Variants in RNLS observed in about 807,000 individuals in gnomAD.
RNLS encodes the protein renalase, FAD dependent amine oxidase.
In RNLS, 39 loss-of-function variants were observed where a neutral mutation model predicts 39.8. The ratio of observed to expected loss-of-function variants is 0.98; its 90% CI spans 0.76 to 1.28. The LOEUF is 1.28. RNLS is among the 50% of genes most tolerant of loss of function. RNLS has a pLI of 0.00. For synonymous variants in RNLS, 147 were observed against 150.7 expected, an observed-to-expected ratio of 0.98 and a Z score of 0.18; for missense variants, 410 against 413.3, an observed-to-expected ratio of 0.99 and a Z score of 0.07.
intron 4 of RNLS, among the ~76,000 whole-genome samples, chr10:88,391,960 G>A (rs887980563): frequency 3.3e-5 from 5 of 152,218 alleles, no homozygotes; most frequent in African/African-American, 9.6e-5. Flanking sequence ...AGCCCCCGGA[G>A]GGGATAGAAC....
rs1846432346 is a variant in RNLS, at chr10:88,516,853, T to C, written c.526+56050A>G. The stretch of plus-strand genomic sequence containing the variant: ...ACAGCATTTAAAACCATCTACTGAC[T>C]TTGACAAACTGTCCATTTCCCTTCA... On this transcript the variant is annotated intron_variant, in intron 4 of 6. Transcript: ENST00000331772. Among the ~76,000 whole-genome samples, 4 of 152,026 alleles carry C rather than the reference T, an allele frequency of 2.6e-5. No homozygotes were observed. In the South Asian group the frequency reaches 8.3e-4, roughly 31 times the overall value.
At chr10:88,376,615 C>A (rs1851021343) in intron 4 of RNLS, among the ~76,000 whole-genome samples, 1 of 152,124 alleles carries the variant, frequency 6.6e-6, no homozygotes, top group South Asian at 2.1e-4. Context: ...TCTTCATTGT[C>A]TTTTTCTAGT....
At chr10:88,523,628 C>G (rs958532004) in intron 4 of RNLS, among the ~76,000 whole-genome samples, 1 of 152,108 alleles carries the variant, frequency 6.6e-6, no homozygotes, top group Non-Finnish European at 1.5e-5. Flanking sequence ...CCATCTCTTT[C>G]ATGTATTCCA....
At chr10:88,547,631 T>C (rs2134316012) in intron 4 of RNLS, among the ~76,000 whole-genome samples, 1 of 152,330 alleles carries the variant, frequency 6.6e-6, no homozygotes, top group Non-Finnish European at 1.5e-5. Context: ...CACTAAAATG[T>C]CTATGCTTAA....
chr10:88,419,754 C>T lies in RNLS; in HGVS notation c.527-57029G>A, dbSNP rs539776229. On this transcript the variant is annotated intron_variant, in intron 4 of 6. Transcript: ENST00000331772. The stretch of plus-strand genomic sequence containing the variant: ...GGGCGGTGGCTCACGCCTGTAATAC[C>T]GGCACTTTGAGAGGCCGAGGCGGGC... 9.9e-5 allele frequency among the ~76,000 whole-genome samples: 15 copies of T among 152,122 alleles called. No individual in the cohort carries two copies. The South Asian group carries it at 1.5e-3, about 15-fold the overall frequency.
intron 6 of RNLS, among the ~76,000 whole-genome samples, chr10:88,307,327 C>G (rs1031232690): frequency 2.6e-5 from 4 of 152,270 alleles, no homozygotes; most frequent in Non-Finnish European, 4.4e-5. Flanking sequence ...CCCACCTGGG[C>G]AATCAGGCAA....
chr10:88,339,945 T>C (rs1237382067), intron 5 of RNLS, among the ~76,000 whole-genome samples: 2 of 152,174 alleles, frequency 1.3e-5, no homozygotes, highest in African/African-American at 4.8e-5. Flanking sequence ...CAGATATACA[T>C]TGTGTAAATG....
At chr10:88,399,933 G>A (rs376082081) in intron 4 of RNLS, among the ~76,000 whole-genome samples, 1 of 151,960 alleles carries the variant, frequency 6.6e-6, no homozygotes, top group South Asian at 2.1e-4. Context: ...GGGAGAAGTT[G>A]TTCCTTGACT....
intron 4 of RNLS, among the ~76,000 whole-genome samples, chr10:88,408,515 T>A (rs558666890): frequency 5.9e-5 from 9 of 152,156 alleles, no homozygotes; most frequent in Admixed American, 1.3e-4. Context: ...GAGAGAACCA[T>A]CCTGCCTCAG....
At chr10:88,265,323 C>CTTTTTTTTTTTT in the RNLS span, among the ~76,000 whole-genome samples, 10 of 59,066 alleles carry the variant, frequency 1.7e-4, no homozygotes, top group African/African-American at 2.0e-4. Flanking sequence ...CAGGGTTTTT[C>CTTTTTTTTTTTT]TTTTTTTTTT....
chr10:88,330,907 T>C (rs1165594737), intron 5 of RNLS, among the ~76,000 whole-genome samples: 1 of 152,132 alleles, frequency 6.6e-6, no homozygotes, highest in African/African-American at 2.4e-5. Context: ...TGGTACTATT[T>C]AATAATAATG....
Position 88,344,088 on chromosome 10 carries a change from G to A in RNLS, c.700+18464C>T, listed in dbSNP as rs141569610. Reference sequence around the variant, plus strand: ...GAAATTTTGTGTTAAGTGGTATTATGATTGGACTATTTTCCTGAATTGGGC... The same window carrying A: ...GAAATTTTGTGTTAAGTGGTATTATAATTGGACTATTTTCCTGAATTGGGC... On this transcript the variant is annotated intron_variant, in intron 5 of 6. Transcript: ENST00000331772. Among the ~76,000 whole-genome samples the A allele has an allele frequency of 2.0e-4, 31 of 152,240 alleles. No individual in the cohort carries two copies. In the East Asian group the frequency reaches 5.4e-3, roughly 27 times the overall value.
intron 5 of RNLS, among the ~76,000 whole-genome samples, chr10:88,330,965 T>A (rs1442236195): frequency 3.3e-5 from 5 of 152,158 alleles, no homozygotes; most frequent in Non-Finnish European, 7.4e-5. Flanking sequence ...CCATATTAAG[T>A]ATTATAACAG....
intron 6 of RNLS, among the ~76,000 whole-genome samples, chr10:88,307,070 C>A (rs1361433020): frequency 3.3e-5 from 5 of 152,128 alleles, no homozygotes; most frequent in Non-Finnish European, 7.4e-5. Flanking sequence ...AATACAAAAA[C>A]CACATGATTA....
At position 88,407,814 on chromosome 10, in the gene RNLS, T is replaced by G. The variant is rs139618946; in HGVS notation, c.527-45089A>C. Among the ~76,000 whole-genome samples the G allele has an allele frequency of 6.8e-4, 104 of 152,222 alleles. 1 individual carries two copies. The highest frequency in any genetic ancestry group is 2.4e-3 in the African/African-American group (101 of 41,560). ...TTATTAGTATTTGCTCTGTAGCACA[T>G]GGAAATCTCTTTGTGTGCAAAACAT... On this transcript the variant is annotated intron_variant, in intron 4 of 6. Coordinates refer to ENST00000331772, the MANE Select transcript of RNLS (RefSeq NM_001031709.3).
At chr10:88,276,923 G>C (rs999952) in intron 6 of RNLS, among the ~76,000 whole-genome samples, 2 of 152,054 alleles carry the variant, frequency 1.3e-5, no homozygotes, top group African/African-American at 4.8e-5. Context: ...GTTTCAAAAT[G>C]TCACTCCATA....
At chr10:88,214,958 A>G in the RNLS span, among the ~76,000 whole-genome samples, 8 of 152,258 alleles carry the variant, frequency 5.3e-5, no homozygotes, top group South Asian at 8.3e-4. Context: ...ATTTAACTCA[A>G]TCAAACCAAC....
chr10:88,350,974 G>C (rs1848650377), intron 5 of RNLS, among the ~76,000 whole-genome samples: 1 of 152,158 alleles, frequency 6.6e-6, no homozygotes, highest in Non-Finnish European at 1.5e-5. Context: ...GCATTTCTCT[G>C]ATGGCCAGTG....
At chr10:88,459,039 A>C (rs1227481229) in intron 4 of RNLS, among the ~76,000 whole-genome samples, 1 of 151,896 alleles carries the variant, frequency 6.6e-6, no homozygotes, top group Non-Finnish European at 1.5e-5. Context: ...AAACCACAAA[A>C]CCAGAAATTT....
Sources: gnomAD v4.1 joint callset for allele counts (sites outside exome capture counted in the v4.1 genomes callset) on GRCh38, gnomAD v4.1.1 for gene constraint, MANE v1.5 for transcripts, NCBI Gene and HGNC (gene_info 2026-07-23, HGNC 2026-07-21) for gene names.